ERI3: variants seen among roughly 807,000 people sequenced by gnomAD.
ERI3 encodes the protein ERI1 exoribonuclease family member 3, also known as ERI1 exoribonuclease 3.
ERI3 carries 18 observed loss-of-function variants against 44.4 expected under a neutral mutation model. The observed-to-expected ratio is 0.41, with a 90% CI of 0.28 to 0.60. ERI3 has a LOEUF of 0.60. Ranked by LOEUF, ERI3 falls within the 20% of genes least tolerant of loss-of-function variation. The probability of loss-of-function intolerance (pLI) is 0.36; values close to 1 mark genes in which losing one functional copy is unlikely to be tolerated. For synonymous variants in ERI3, 183 were observed against 164.8 expected, an observed-to-expected ratio of 1.11 and a Z score of -0.84; for missense variants, 294 against 435.5, an observed-to-expected ratio of 0.68 and a Z score of 2.89.
chr1:44,251,122 G>A (rs1441047806), intron 7 of ERI3, among the ~76,000 whole-genome samples: 3 of 152,174 alleles, frequency 2.0e-5, no homozygotes, highest in Admixed American at 2.0e-4. Context: ...AAACATAGGT[G>A]GTCCCACAGC....
intron 3 of ERI3, among the ~76,000 whole-genome samples, chr1:44,326,164 G>A (rs1646308130): frequency 6.6e-6 from 1 of 152,210 alleles, no homozygotes; most frequent in South Asian, 2.1e-4. Flanking sequence ...AAAAGTGTGT[G>A]TCCCTGCACT....
intron 4 of ERI3, among the ~76,000 whole-genome samples, chr1:44,316,412 C>T (rs1216416992): frequency 6.6e-6 from 1 of 152,148 alleles, no homozygotes; most frequent in Non-Finnish European, 1.5e-5. Flanking sequence ...GGCTTTTGAC[C>T]CTGACTGATA....
chr1:44,270,815 C>T (rs1459038960), intron 7 of ERI3, among the ~76,000 whole-genome samples: 1 of 149,762 alleles, frequency 6.7e-6, no homozygotes, highest in Non-Finnish European at 1.5e-5. Context: ...CTGATTCCCT[C>T]ACTTGCTTCT....
At chr1:44,348,685 G>A (rs1478581945) in intron 2 of ERI3, among the ~76,000 whole-genome samples, 1 of 152,244 alleles carries the variant, frequency 6.6e-6, no homozygotes, top group East Asian at 1.9e-4. Context: ...AATGGATAAT[G>A]TGGGACCCAA....
chr1:44,232,353 C>CT (rs2154316113), intron 8 of ERI3, among the ~76,000 whole-genome samples: 1 of 152,224 alleles, frequency 6.6e-6, no homozygotes, highest in South Asian at 2.1e-4. Flanking sequence ...TTGTTTCTTG[C>CT]TGTATCTCAG....
chr1:44,221,305 T>A lies in ERI3; in HGVS notation c.*253A>T. The stretch of plus-strand genomic sequence containing the variant: ...GGGTCCCCCTAGCCCAGGCCCGCAA[T>A]GGGAGGGGCTGATACTGGGCTGAGA... On this transcript the variant is annotated 3_prime_UTR_variant, in exon 9 of 9. Transcript: ENST00000372257. The surrounding 1 kb of genome is among the most constrained non-coding windows in gnomAD (Gnocchi z 5.9). The A allele has an allele frequency of 2.0e-6, 1 of 497,646 alleles. No homozygotes were observed. The highest frequency in any genetic ancestry group is 2.0e-5 in the African/African-American group (1 of 50,076). 30.8% of individuals were successfully genotyped at this position (497,646 alleles called of 1,614,324 possible). A position where few individuals can be genotyped will look rare whatever the true frequency, so the allele number is the denominator to read the frequency against.
chr1:44,328,234 C>G (rs12068814), intron 3 of ERI3, among the ~76,000 whole-genome samples: 1 of 115,540 alleles, frequency 8.7e-6, no homozygotes, highest in South Asian at 3.3e-4. Context: ...CCCCCACCCC[C>G]GCAATGCACT....
chr1:44,290,255 T>C (rs940995018), intron 6 of ERI3, among the ~76,000 whole-genome samples: 1 of 151,934 alleles, frequency 6.6e-6, no homozygotes, highest in African/African-American at 2.4e-5. Flanking sequence ...TATGCAGAAA[T>C]GGGGGAGTAT....
chr1:44,319,803 CAGT>C (rs2154329123), intron 3 of ERI3, 59 bp from the exon 4 acceptor site: 1 of 1,244,570 alleles, frequency 8.0e-7, no homozygotes, highest in Admixed American at 1.7e-5. Context: ...CCATTTCCAA[CAGT>C]AGCTCCAAGT....
chr1:44,231,238 G>A (rs988952071), intron 8 of ERI3, among the ~76,000 whole-genome samples: 1 of 152,136 alleles, frequency 6.6e-6, no homozygotes, highest in African/African-American at 2.4e-5. Context: ...GAATTTTGGA[G>A]CATTCTGCAT....
chr1:44,265,315 A>G (rs904816750), intron 7 of ERI3, among the ~76,000 whole-genome samples: 7 of 152,244 alleles, frequency 4.6e-5, no homozygotes, highest in Non-Finnish European at 8.8e-5. Context: ...CACAGGTGGC[A>G]GATATGCCTA....
chr1:44,331,919 C>A (rs957948988), intron 3 of ERI3, among the ~76,000 whole-genome samples: 1 of 152,178 alleles, frequency 6.6e-6, no homozygotes, highest in African/African-American at 2.4e-5. Context: ...TCCTTTGTGC[C>A]CCCACTGTAC....
At position 44,252,142 on chromosome 1, in the gene ERI3, C is replaced by G. The variant is rs1370688835; in HGVS notation, c.832-4104G>C. 6.6e-6 allele frequency among the ~76,000 whole-genome samples: 1 copy of G among 152,236 alleles called. No individual in the cohort carries two copies. Among genetic ancestry groups the G allele is most frequent in the African/African-American group, 2.4e-5 (1 of 41,458 alleles). ...GGCAGGTAGGAAGATGACTGAGGTG[C>G]TCCTGAGTCCTGTCCAGGGCAGGTA... is the stretch of plus-strand genomic sequence containing the variant. On this transcript the variant is annotated intron_variant, in intron 7 of 8. Transcript: ENST00000372257. This position sits in a 1 kb window ranked among gnomAD's most constrained non-coding sequence, Gnocchi z 4.7.
rs533321483 is a variant in ERI3, at chr1:44,269,577, G to A, written c.831+15258C>T. Among the ~76,000 whole-genome samples, 3 of 152,274 alleles carry A rather than the reference G, an allele frequency of 2.0e-5. No individual in the cohort carries two copies. In the East Asian group the frequency reaches 5.8e-4, roughly 29 times the overall value. ...ACATACAGACATGCATATACAAATG[G>A]GTACACCCTCTTACACACACAGTGG... is the stretch of plus-strand genomic sequence containing the variant. On this transcript the variant is annotated intron_variant, in intron 7 of 8. Coordinates refer to ENST00000372257, the MANE Select transcript of ERI3 (RefSeq NM_024066.3).
chr1:44,334,463 A>G (rs899372682), intron 3 of ERI3, among the ~76,000 whole-genome samples: 2 of 152,232 alleles, frequency 1.3e-5, no homozygotes, highest in Non-Finnish European at 2.9e-5. Context: ...CCTAAACCAG[A>G]TAAAAAACTG....
At chr1:44,293,758 A>G (rs1262644225) in intron 6 of ERI3, among the ~76,000 whole-genome samples, 1 of 152,178 alleles carries the variant, frequency 6.6e-6, no homozygotes, top group East Asian at 1.9e-4. Flanking sequence ...TCTTTCCACA[A>G]TGCCACACAG....
In ERI3 at chr1:44,221,823, C is replaced by A. The variant is rs1029654157; in HGVS notation, c.932-183G>T. Among the ~76,000 whole-genome samples, 1 of 152,124 alleles carries A rather than the reference C, an allele frequency of 6.6e-6. No homozygotes were observed. Among genetic ancestry groups the A allele is most frequent in the East Asian group, 1.9e-4 (1 of 5,166 alleles). On this transcript the variant is annotated intron_variant, in intron 8 of 8. Coordinates refer to ENST00000372257, the MANE Select transcript of ERI3 (RefSeq NM_024066.3). This position sits in a 1 kb window ranked among gnomAD's most constrained non-coding sequence, Gnocchi z 5.9. ...CAGGTTGGTCTGGGTGATGCTGGGCCGGCAGGAAGCCTGGTCTCGATGCTT... is the reference window on the plus strand; with the variant it reads ...CAGGTTGGTCTGGGTGATGCTGGGCAGGCAGGAAGCCTGGTCTCGATGCTT...
chr1:44,337,676 G>A (rs905392528), intron 3 of ERI3, among the ~76,000 whole-genome samples: 1 of 152,176 alleles, frequency 6.6e-6, no homozygotes. Flanking sequence ...AGGGAGTATA[G>A]GAAAGAGGAG....
At chr1:44,319,849 G>C in intron 3 of ERI3, 105 bp from the exon 4 acceptor site, 1 of 881,612 alleles carries the variant, frequency 1.1e-6, no homozygotes, top group African/African-American at 1.7e-5. Context: ...ATTCATTAGT[G>C]TTTTGGGTTC....
Sources: allele counts gnomAD v4.1 joint callset (sites outside exome capture counted in the v4.1 genomes callset), GRCh38; gene constraint gnomAD v4.1.1; non-coding constraint Gnocchi (gnomAD v3.1); transcripts MANE v1.5; gene names NCBI Gene and HGNC (gene_info 2026-07-23, HGNC 2026-07-21).